Variants in DENND1B observed in about 807,000 individuals in gnomAD.
DENND1B encodes DENN domain-containing protein 1B.
Under a neutral mutation model 90.1 loss-of-function variants are expected in DENND1B, and 59 were observed. The ratio of observed to expected loss-of-function variants is 0.65; its 90% CI spans 0.53 to 0.81. DENND1B has a LOEUF of 0.81. Among genes scored for constraint, DENND1B ranks in the 40% least tolerant of loss-of-function variants. The probability of loss-of-function intolerance (pLI) is 0.00; values close to 1 mark genes in which losing one functional copy is unlikely to be tolerated. For synonymous variants in DENND1B, 337 were observed against 324.6 expected (o/e 1.04, Z -0.41); for missense variants, 862 against 912.6 (o/e 0.94, Z 0.71).
At chr1:197,557,163 T>G (rs1440921735) in intron 15 of DENND1B, among the ~76,000 whole-genome samples, 1 of 152,022 alleles carries the variant, frequency 6.6e-6, no homozygotes, top group Non-Finnish European at 1.5e-5. Context: ...AAAATTTGAC[T>G]TGCACACATT....
At chr1:197,665,642 GTTTTAC>G (rs943220740) in intron 5 of DENND1B, among the ~76,000 whole-genome samples, 3 of 152,026 alleles carry the variant, frequency 2.0e-5, no homozygotes, top group African/African-American at 4.8e-5. Context: ...AATTTGTACT[GTTTTAC>G]TTTACTTTGA....
intron 3 of DENND1B, among the ~76,000 whole-genome samples, chr1:197,692,405 T>C (rs1657994767): frequency 6.7e-6 from 1 of 150,142 alleles, no homozygotes; most frequent in Non-Finnish European, 1.5e-5. Context: ...ACAAAGTTCT[T>C]CATAATCTGA....
At chr1:197,673,263 G>A (rs574359367) in intron 4 of DENND1B, among the ~76,000 whole-genome samples, 1 of 151,928 alleles carries the variant, frequency 6.6e-6, no homozygotes, top group Admixed American at 6.6e-5. Flanking sequence ...AATATGAAAC[G>A]TGTAACTTTT....
intron 10 of DENND1B, 32 bp from the exon 11 acceptor site, chr1:197,617,791 T>C (rs1677792804): frequency 2.0e-6 from 3 of 1,504,332 alleles, no homozygotes; most frequent in Non-Finnish European, 2.8e-6. Context: ...CAAAAATAAG[T>C]AGCTGCTGAC....
chr1:197,740,520 C>G (rs1174791465), intron 2 of DENND1B, among the ~76,000 whole-genome samples: 4 of 152,154 alleles, frequency 2.6e-5, no homozygotes, highest in African/African-American at 9.7e-5. Flanking sequence ...ATTTCTATTA[C>G]TGTATCGAAT....
intron 5 of DENND1B, among the ~76,000 whole-genome samples, chr1:197,660,520 G>T (rs1654305287): frequency 6.6e-6 from 1 of 151,902 alleles, no homozygotes; most frequent in African/African-American, 2.4e-5. Context: ...CTTCAGACAT[G>T]AGTCTCCAGA....
At chr1:197,620,149 G>T (rs762594047) in intron 10 of DENND1B, among the ~76,000 whole-genome samples, 1 of 151,038 alleles carries the variant, frequency 6.6e-6, no homozygotes, top group Non-Finnish European at 1.5e-5. Context: ...GCATCCCAAA[G>T]ATAATCCTCC....
intron 3 of DENND1B, among the ~76,000 whole-genome samples, chr1:197,683,479 A>G (rs1176929287): frequency 6.6e-6 from 1 of 152,160 alleles, no homozygotes; most frequent in Non-Finnish European, 1.5e-5. Context: ...AGATAGCTGC[A>G]GCAAGAATGC....
chr1:197,695,481 C>A (rs1658337106), intron 3 of DENND1B, among the ~76,000 whole-genome samples: 1 of 150,728 alleles, frequency 6.6e-6, no homozygotes. Flanking sequence ...ATCATCTCTA[C>A]AAAATTTATA....
chr1:197,558,406 T>C (rs894165210), intron 15 of DENND1B, among the ~76,000 whole-genome samples: 8 of 151,752 alleles, frequency 5.3e-5, no homozygotes, highest in African/African-American at 1.7e-4. Flanking sequence ...TCATCAACAA[T>C]TGCAAGAACC....
upstream of DENND1B, among the ~76,000 whole-genome samples, chr1:197,778,400 C>T (rs1011604800): frequency 2.0e-5 from 3 of 152,090 alleles, no homozygotes; most frequent in South Asian, 4.1e-4. Flanking sequence ...TTAGGCTGGG[C>T]GCAGTGGCTC....
intron 15 of DENND1B, among the ~76,000 whole-genome samples, chr1:197,570,229 CAAA>C (rs34035389): frequency 7.4e-6 from 1 of 135,552 alleles, no homozygotes. Context: ...CCCATATCTC[CAAA>C]AAAAAAAAAA....
intron 2 of DENND1B, among the ~76,000 whole-genome samples, chr1:197,744,906 C>T (rs1216495985): frequency 1.3e-5 from 2 of 152,232 alleles, no homozygotes; most frequent in Admixed American, 6.5e-5. Context: ...TACATCAGCA[C>T]TTGCTGCTTC....
chr1:197,512,025 A>T (rs1052919527), intron 21 of DENND1B, 81 bp from the exon 22 acceptor site: 11 of 1,037,036 alleles, frequency 1.1e-5, no homozygotes, highest in Non-Finnish European at 1.4e-5. Flanking sequence ...GTTACATTAC[A>T]TTAATGAGAG....
intron 14 of DENND1B, among the ~76,000 whole-genome samples, chr1:197,588,835 C>T (rs1674935794): frequency 6.6e-6 from 1 of 152,082 alleles, no homozygotes; most frequent in South Asian, 2.1e-4. Flanking sequence ...CCATTGTTGG[C>T]ACTTTAGCTA....
intron 2 of DENND1B, among the ~76,000 whole-genome samples, chr1:197,757,638 T>C (rs958971893): frequency 6.6e-5 from 10 of 152,172 alleles, no homozygotes; most frequent in Non-Finnish European, 1.0e-4. Context: ...AAATTACCTA[T>C]AAAAAGGAGA....
At chr1:197,770,753 A>AAT (rs1172310568) in intron 2 of DENND1B, among the ~76,000 whole-genome samples, 24 of 141,142 alleles carry the variant, frequency 1.7e-4, no homozygotes, top group African/African-American at 6.0e-4. Flanking sequence ...TATATCTATA[A>AAT]ATATATATAA....
intron 13 of DENND1B, among the ~76,000 whole-genome samples, chr1:197,601,578 T>C (rs771736082): frequency 2.0e-5 from 3 of 151,452 alleles, no homozygotes; most frequent in Admixed American, 1.3e-4. Context: ...AGGAAGACAT[T>C]AAAAGAAAGG....
At chr1:197,638,391 C>T (rs1679974094) in intron 10 of DENND1B, among the ~76,000 whole-genome samples, 1 of 152,186 alleles carries the variant, frequency 6.6e-6, no homozygotes, top group South Asian at 2.1e-4. Flanking sequence ...AGCATCCCTT[C>T]CACCTGCTTC....
Sources: allele counts gnomAD v4.1 joint callset (sites outside exome capture counted in the v4.1 genomes callset), GRCh38; gene constraint gnomAD v4.1.1; transcripts MANE v1.5; gene names NCBI Gene and HGNC (gene_info 2026-07-23, HGNC 2026-07-21).